The following RALB variants were observed in gnomAD, a reference collection of about 807,000 sequenced individuals.
RALB encodes ras-related protein Ral-B.
RALB carries 16 observed loss-of-function variants against 21.3 expected under a neutral mutation model. That is an observed-to-expected ratio of 0.75 (90% CI 0.51 to 1.14). RALB has a LOEUF of 1.14. Among genes scored for constraint, RALB ranks in the 50% most tolerant of loss-of-function variants. The pLI, the probability that RALB is intolerant of heterozygous loss-of-function variation, is 0.00. For missense variants in RALB, 161 were observed against 256.2 expected, an observed-to-expected ratio of 0.63 and a Z score of 2.54; for synonymous variants, 93 against 96.1, an observed-to-expected ratio of 0.97 and a Z score of 0.19.
At chr2:120,247,736 T>C (rs1688994239) in intron 1 of RALB, among the ~76,000 whole-genome samples, 1 of 152,262 alleles carries the variant, frequency 6.6e-6, no homozygotes, top group Non-Finnish European at 1.5e-5. Context: ...GGCTCAGGGC[T>C]ACTGCTTAGG....
At chr2:120,292,434 T>C (rs1690327683) in intron 4 of RALB, among the ~76,000 whole-genome samples, 1 of 152,156 alleles carries the variant, frequency 6.6e-6, no homozygotes, top group Non-Finnish European at 1.5e-5. Flanking sequence ...TGTTCCAACC[T>C]CCATGGGGTC....
chr2:120,289,067 G>T (rs1690242275), intron 3 of RALB, among the ~76,000 whole-genome samples: 1 of 152,102 alleles, frequency 6.6e-6, no homozygotes, highest in African/African-American at 2.4e-5. Context: ...ACTGCTGGTT[G>T]CGACCCACTA....
At chr2:120,286,151 A>T in intron 3 of RALB, 69 bp downstream of exon 3, 1 of 1,383,198 alleles carries the variant, frequency 7.2e-7, no homozygotes, top group Non-Finnish European at 1.0e-6. Context: ...TCTTAGGCCT[A>T]TGAAGAATTT....
chr2:120,240,090 CAGG>C (rs1688866894), exon 1 of RALB: 5 of 1,289,654 alleles, frequency 3.9e-6, no homozygotes, highest in Non-Finnish European at 5.1e-6. Context: ...GAGCGGGTGG[CAGG>C]AGGAGGTCTC....
chr2:120,266,330 C>T (rs1480470016), intron 1 of RALB, among the ~76,000 whole-genome samples: 5 of 152,304 alleles, frequency 3.3e-5, no homozygotes, highest in African/African-American at 1.2e-4. Context: ...CTGCAACCTC[C>T]ACCTCCCGGG....
intron 1 of RALB, among the ~76,000 whole-genome samples, chr2:120,275,383 T>C (rs1339438621): frequency 1.3e-5 from 2 of 152,260 alleles, no homozygotes; most frequent in Non-Finnish European, 2.9e-5. Flanking sequence ...CTCTCCTGTT[T>C]GGGGATCCTT....
In RALB at chr2:120,246,700, AG is replaced by A. The variant is rs571889478; in HGVS notation, c.19+6576del. ...TCAGCATGTAGGATAGGTGGGCTGC[AG>A]TGTGGCTGTGGTTCCCCAGGGAAGG... On this transcript the variant is annotated intron_variant, in intron 1 of 3. Coordinates refer to the RALB transcript ENST00000447591. Among the ~76,000 whole-genome samples, 4 of 152,334 alleles carry A rather than the reference AG, an allele frequency of 2.6e-5. No individual in the cohort carries two copies. In the East Asian group the frequency reaches 7.7e-4, roughly 29 times the overall value.
At chr2:120,280,210 C>G (rs1689953327) in intron 2 of RALB, among the ~76,000 whole-genome samples, 1 of 152,132 alleles carries the variant, frequency 6.6e-6, no homozygotes, top group Admixed American at 6.5e-5. Context: ...TGGCAGTAAT[C>G]CCAAAACTTT....
chr2:120,264,225 A>G (rs1689442144), intron 1 of RALB, among the ~76,000 whole-genome samples: 1 of 150,074 alleles, frequency 6.7e-6, no homozygotes, highest in Non-Finnish European at 1.5e-5. Flanking sequence ...ATCTCGGCTC[A>G]CTGCAAGCTC....
Position 120,252,884 on chromosome 2 carries a change from G to C in RALB, c.-144G>C, listed in dbSNP as rs1186102703. The C allele has an allele frequency of 2.0e-6, 2 of 985,650 alleles. No individual in the cohort carries two copies. Among genetic ancestry groups the C allele is most frequent in the African/African-American group, 3.5e-5 (2 of 57,378 alleles). 61.1% of individuals were successfully genotyped at this position (985,650 alleles called of 1,614,324 possible). A position where few individuals can be genotyped will look rare whatever the true frequency, so the allele number is the denominator to read the frequency against. On this transcript the variant is annotated 5_prime_UTR_variant, in exon 1 of 5. Transcript: ENST00000272519. ...AGCCCGGCAGCTCAATGACAAATCG[G>C]TGGAGGACGGCTGGGGTCCGGCCCC...
chr2:120,241,726 C>CAA (rs146030904), intron 1 of RALB, among the ~76,000 whole-genome samples: 7 of 150,826 alleles, frequency 4.6e-5, no homozygotes, highest in African/African-American at 1.2e-4. Context: ...AACTCCATCT[C>CAA]AAAAAAAACA....
intron 1 of RALB, among the ~76,000 whole-genome samples, chr2:120,275,217 C>T (rs556203118): frequency 7.2e-5 from 11 of 152,346 alleles, no homozygotes; most frequent in Non-Finnish European, 5.9e-5. Context: ...AAAGGTGTCT[C>T]AATTCTAACT....
At chr2:120,268,243 A>G (rs1256393902) in intron 1 of RALB, among the ~76,000 whole-genome samples, 1 of 152,218 alleles carries the variant, frequency 6.6e-6, no homozygotes, top group Non-Finnish European at 1.5e-5. Flanking sequence ...AATCACAGGG[A>G]TGGTCTGGCA....
At chr2:120,282,175 G>A (rs892697127) in intron 2 of RALB, among the ~76,000 whole-genome samples, 4 of 152,164 alleles carry the variant, frequency 2.6e-5, no homozygotes, top group African/African-American at 9.7e-5. Flanking sequence ...AGTTCCAAGA[G>A]CAAGTTCAGA....
At chr2:120,279,928 G>A (rs902870040) in intron 2 of RALB, among the ~76,000 whole-genome samples, 1 of 152,220 alleles carries the variant, frequency 6.6e-6, no homozygotes, top group African/African-American at 2.4e-5. Context: ...GTGTTGGGCT[G>A]GGTTAGGTGG....
intron 1 of RALB, among the ~76,000 whole-genome samples, chr2:120,255,413 C>T (rs1049384243): frequency 2.0e-5 from 3 of 152,194 alleles, no homozygotes; most frequent in African/African-American, 7.2e-5. Flanking sequence ...CAGCTGTCTG[C>T]TTGGCACAGA....
At chr2:120,283,857 T>G in intron 2 of RALB, among the ~76,000 whole-genome samples, 1 of 152,224 alleles carries the variant, frequency 6.6e-6, no homozygotes, top group East Asian at 1.9e-4. Flanking sequence ...GATTTTCTGT[T>G]TCCAGCTGAG....
intron 2 of RALB, among the ~76,000 whole-genome samples, chr2:120,283,586 C>A (rs6705475): frequency 0.12 from 18,912 of 152,204 alleles, 1,308 homozygotes; most frequent in African/African-American, 0.17. Flanking sequence ...TGGCAGCAGT[C>A]AGATTTTAAG....
chr2:120,279,397 T>A lies in RALB; in HGVS notation c.114+619T>A, dbSNP rs569126058. Among the ~76,000 whole-genome samples, 17 of 152,184 alleles carry A rather than the reference T, an allele frequency of 1.1e-4. 2 individuals carry two copies. The South Asian group carries it at 3.5e-3, about 32-fold the overall frequency. On this transcript the variant is annotated intron_variant, in intron 2 of 4. Coordinates refer to ENST00000272519, the MANE Select transcript of RALB (RefSeq NM_002881.3). ...CTACTGTGGGCTCTACATCTGCAGATTCAAGCAATGTAGAATGAAACGTTG... is the reference window on the plus strand; with the variant it reads ...CTACTGTGGGCTCTACATCTGCAGAATCAAGCAATGTAGAATGAAACGTTG...
Sources: allele counts gnomAD v4.1 joint callset (sites outside exome capture counted in the v4.1 genomes callset), GRCh38; gene constraint gnomAD v4.1.1; transcripts MANE v1.5; gene names NCBI Gene and HGNC (gene_info 2026-07-23, HGNC 2026-07-21).